The following ROBO2 variants were observed in gnomAD, a reference collection of about 807,000 sequenced individuals.
ROBO2 encodes roundabout guidance receptor 2, also known as roundabout homolog 2.
Under a neutral mutation model 160.8 loss-of-function variants are expected in ROBO2, and 53 were observed. That is an observed-to-expected ratio of 0.33 (90% CI 0.26 to 0.41). ROBO2 has a LOEUF of 0.41. Ranked by LOEUF, ROBO2 falls within the 10% of genes least tolerant of loss-of-function variation. ROBO2 has a pLI of 1.00. For missense variants in ROBO2, 1,577 were observed against 1,722.4 expected (o/e 0.92, Z 1.49); for synonymous variants, 664 against 611.7 (o/e 1.09, Z -1.26).
chr3:77,103,328 T>C (rs755161506), intron 2 of ROBO2, among the ~76,000 whole-genome samples: 2 of 151,844 alleles, frequency 1.3e-5, no homozygotes, highest in Non-Finnish European at 2.9e-5. Flanking sequence ...GTGCAGAGAG[T>C]AGAGATTAAA....
At chr3:75,995,477 A>G (rs749108575) in intron 2 of ROBO2, among the ~76,000 whole-genome samples, 7 of 152,220 alleles carry the variant, frequency 4.6e-5, no homozygotes, top group East Asian at 3.9e-4. Flanking sequence ...CCTAGATTTC[A>G]GAAAATGTAT....
At chr3:76,239,133 G>A (rs544949287) in intron 2 of ROBO2, among the ~76,000 whole-genome samples, 161 of 152,180 alleles carry the variant, frequency 1.1e-3, no homozygotes, top group African/African-American at 3.6e-3. Context: ...GAAAACCACC[G>A]CTATAATCTA....
intron 19 of ROBO2, among the ~76,000 whole-genome samples, chr3:77,599,074 A>C (rs189559733): frequency 2.6e-5 from 4 of 152,092 alleles, no homozygotes; most frequent in African/African-American, 4.8e-5. Context: ...AATTTTCATG[A>C]TGTGAAATAT....
At chr3:76,676,167 C>T (rs927383163) in intron 2 of ROBO2, among the ~76,000 whole-genome samples, 13 of 152,050 alleles carry the variant, frequency 8.5e-5, no homozygotes, top group Admixed American at 1.3e-4. Context: ...AATTGTAATC[C>T]GAATTATAAT....
At chr3:76,440,701 A>C (rs1165318273) in intron 2 of ROBO2, among the ~76,000 whole-genome samples, 1 of 152,136 alleles carries the variant, frequency 6.6e-6, no homozygotes, top group African/African-American at 2.4e-5. Flanking sequence ...TGCTCCTGGA[A>C]TCACTAACCC....
chr3:76,903,299 TTAAG>T (rs1480551983), intron 2 of ROBO2, among the ~76,000 whole-genome samples: 1 of 152,160 alleles, frequency 6.6e-6, no homozygotes, highest in Non-Finnish European at 1.5e-5. Flanking sequence ...GACAAAATTA[TTAAG>T]AGGTTTTTCT....
chr3:75,916,693 T>G (rs182145066), intron 1 of ROBO2, among the ~76,000 whole-genome samples: 2 of 151,974 alleles, frequency 1.3e-5, no homozygotes, highest in African/African-American at 4.8e-5. Flanking sequence ...ATGTATAATT[T>G]ATGGCAAAAA....
intron 2 of ROBO2, among the ~76,000 whole-genome samples, chr3:76,875,674 A>G (rs940220287): frequency 6.6e-6 from 1 of 151,872 alleles, no homozygotes; most frequent in Non-Finnish European, 1.5e-5. Flanking sequence ...TTATTTTTTG[A>G]TACAGAGTCT....
At chr3:76,838,614 A>G (rs934417374) in intron 2 of ROBO2, among the ~76,000 whole-genome samples, 2 of 152,012 alleles carry the variant, frequency 1.3e-5, no homozygotes, top group Non-Finnish European at 2.9e-5. Context: ...CACATAAACT[A>G]AGCTATTATG....
chr3:76,333,772 T>C (rs1288905895), intron 2 of ROBO2, among the ~76,000 whole-genome samples: 1 of 152,178 alleles, frequency 6.6e-6, no homozygotes, highest in East Asian at 1.9e-4. Context: ...TTTGGGTTGG[T>C]TCCAAGTCTT....
chr3:76,726,332 A>G (rs2093552750), intron 2 of ROBO2, among the ~76,000 whole-genome samples: 1 of 152,012 alleles, frequency 6.6e-6, no homozygotes, highest in Admixed American at 6.6e-5. Flanking sequence ...GTTAATTATT[A>G]GTAGTTCTAA....
rs58918229 is a variant in ROBO2 at position 77,234,264 on chromosome 3, G to A, written c.388+135924G>A. 7.4e-3 allele frequency among the ~76,000 whole-genome samples: 1,125 copies of A among 152,154 alleles called. 14 individuals are homozygous for A. Among genetic ancestry groups the A allele is most frequent in the African/African-American group, 0.025 (1,030 of 41,502 alleles). Reference sequence around the variant, plus strand: ...GATTCTTCCCCCTCCCATCTCCCACGCCTGCCCTTGGGATTGTGACATCAT... The same window carrying A: ...GATTCTTCCCCCTCCCATCTCCCACACCTGCCCTTGGGATTGTGACATCAT... On this transcript the variant is annotated intron_variant, in intron 2 of 25. Coordinates refer to ENST00000461745, the Ensembl canonical transcript of ROBO2.
At position 76,719,324 on chromosome 3, in the gene ROBO2, C is replaced by A. The variant is rs554654660; in HGVS notation, c.110-378690C>A. Among the ~76,000 whole-genome samples, 22 of 152,180 alleles carry A rather than the reference C, an allele frequency of 1.4e-4. No individual in the cohort carries two copies. The South Asian group carries it at 3.9e-3, about 27-fold the overall frequency. On this transcript the variant is annotated intron_variant, in intron 2 of 26. Transcript: ENST00000487694. ...GACATCATAACAATATTCATGTTGC[C>A]ACACACAAATGACAATTTTAAAGTG...
chr3:77,353,056 C>A (rs1035374947), intron 2 of ROBO2, among the ~76,000 whole-genome samples: 7 of 152,034 alleles, frequency 4.6e-5, no homozygotes, highest in African/African-American at 1.7e-4. Flanking sequence ...CTTTTAAATT[C>A]TATGATGAAG....
chr3:76,337,963 ATTAGCAGAAGACTGAACTTGTTGTT>A lies in ROBO2; in HGVS notation c.109+400362_109+400386del, dbSNP rs2073995063. Among the ~76,000 whole-genome samples the A allele has an allele frequency of 9.2e-5, 14 of 152,272 alleles. No individual in the cohort carries two copies. In the South Asian group the frequency reaches 2.9e-3, roughly 32 times the overall value. Reference sequence around the variant, plus strand: ...GTAAAACTAGAAATAGAACTTTAATATTAGCAGAAGACTGAACTTGTTGTTCTGTGATTACATACTCTGGCTTTCC... The same window carrying A: ...GTAAAACTAGAAATAGAACTTTAATACTGTGATTACATACTCTGGCTTTCC... On this transcript the variant is annotated intron_variant, in intron 2 of 26. Coordinates refer to the ROBO2 transcript ENST00000487694.
intron 2 of ROBO2, among the ~76,000 whole-genome samples, chr3:76,319,935 T>A (rs2072375425): frequency 6.6e-6 from 1 of 152,046 alleles, no homozygotes; most frequent in Non-Finnish European, 1.5e-5. Context: ...ATACTCTGTA[T>A]CCCAGGATTA....
intron 2 of ROBO2, among the ~76,000 whole-genome samples, chr3:76,447,297 A>T (rs1448254445): frequency 6.6e-6 from 1 of 152,220 alleles, no homozygotes; most frequent in Non-Finnish European, 1.5e-5. Flanking sequence ...AAAAATGCTC[A>T]TCATCTCTGG....
At chr3:76,439,740 A>G (rs1046186242) in intron 2 of ROBO2, among the ~76,000 whole-genome samples, 8 of 152,294 alleles carry the variant, frequency 5.3e-5, no homozygotes, top group Admixed American at 3.3e-4. Context: ...TCTTAGGTCT[A>G]TTTTTAATAT....
At chr3:77,558,504 G>T (rs1363172864) in intron 9 of ROBO2, among the ~76,000 whole-genome samples, 1 of 152,030 alleles carries the variant, frequency 6.6e-6, no homozygotes. Flanking sequence ...ATTCGCAAAA[G>T]AAATTGTAAG....
Sources: allele counts gnomAD v4.1 joint callset (sites outside exome capture counted in the v4.1 genomes callset), GRCh38; gene constraint gnomAD v4.1.1; transcripts MANE v1.5; gene names NCBI Gene and HGNC (gene_info 2026-07-23, HGNC 2026-07-21).